Variants in AGBL4 observed in about 807,000 individuals in gnomAD.
AGBL4 encodes the protein AGBL carboxypeptidase 4, also known as cytosolic carboxypeptidase 6.
Under a neutral mutation model 66.4 loss-of-function variants are expected in AGBL4, and 58 were observed. The observed-to-expected ratio is 0.87, with a 90% CI of 0.71 to 1.09. The LOEUF (loss-of-function observed/expected upper bound fraction) is 1.09. Ranked by LOEUF, AGBL4 falls within the 50% of genes least tolerant of loss-of-function variation. The pLI, the probability that AGBL4 is intolerant of heterozygous loss-of-function variation, is 0.00. For missense variants in AGBL4, 579 were observed against 631.0 expected (o/e 0.92, Z 0.88); for synonymous variants, 234 against 222.9 (o/e 1.05, Z -0.44).
chr1:49,716,967 G>A (rs1025940980), intron 2 of AGBL4, among the ~76,000 whole-genome samples: 4 of 152,034 alleles, frequency 2.6e-5, no homozygotes, highest in Admixed American at 6.6e-5. Flanking sequence ...TATTCAATTA[G>A]GAAAAGAGGA....
At chr1:49,652,486 T>C (rs1646027503) in intron 3 of AGBL4, among the ~76,000 whole-genome samples, 1 of 152,140 alleles carries the variant, frequency 6.6e-6, no homozygotes, top group Non-Finnish European at 1.5e-5. Context: ...GGTAGGTGGC[T>C]GCTCGAGCAG....
chr1:49,048,508 A>C (rs1308086364), intron 4 of AGBL4: 1 of 152,138 alleles, frequency 6.6e-6, no homozygotes, highest in African/African-American at 2.4e-5. Flanking sequence ...TTCAGGGCTT[A>C]GATTTTCTAG....
intron 6 of AGBL4, among the ~76,000 whole-genome samples, chr1:48,802,549 C>T (rs2148745478): frequency 6.6e-6 from 1 of 152,280 alleles, no homozygotes; most frequent in East Asian, 1.9e-4. Context: ...AAAAAGAGAG[C>T]AATTCTATGA....
At chr1:49,333,164 G>C (rs905334184) in intron 3 of AGBL4, among the ~76,000 whole-genome samples, 3 of 151,946 alleles carry the variant, frequency 2.0e-5, no homozygotes, top group African/African-American at 2.4e-5. Flanking sequence ...ATGTGTCCCA[G>C]AACTTAAAGT....
At chr1:48,734,368 T>A (rs1253711771) in intron 6 of AGBL4, among the ~76,000 whole-genome samples, 1 of 152,122 alleles carries the variant, frequency 6.6e-6, no homozygotes, top group Admixed American at 6.5e-5. Context: ...CTTGGGCATA[T>A]TTCTCCACCT....
At chr1:49,008,942 A>G (rs1662117367) in intron 5 of AGBL4, among the ~76,000 whole-genome samples, 1 of 151,434 alleles carries the variant, frequency 6.6e-6, no homozygotes, top group Non-Finnish European at 1.5e-5. Flanking sequence ...TCCAAAATTG[A>G]CACCCTAAGA....
At chr1:48,854,812 T>A (rs988885005) in intron 6 of AGBL4, among the ~76,000 whole-genome samples, 5 of 151,884 alleles carry the variant, frequency 3.3e-5, no homozygotes, top group Admixed American at 6.6e-5. Flanking sequence ...TTCCTAGGAG[T>A]AGAATTTGGG....
intron 3 of AGBL4, among the ~76,000 whole-genome samples, chr1:49,525,845 T>G (rs1650613632): frequency 6.6e-6 from 1 of 151,832 alleles, no homozygotes; most frequent in African/African-American, 2.4e-5. Flanking sequence ...CCTAGTACTT[T>G]GGGAGGCCAA....
At position 48,937,590 on chromosome 1, in the gene AGBL4, T is replaced by C. The variant is rs1655586901; in HGVS notation, c.595-70360A>G. On this transcript the variant is annotated intron_variant, in intron 5 of 13. Coordinates refer to ENST00000371839, the MANE Select transcript of AGBL4 (RefSeq NM_032785.4). The stretch of plus-strand genomic sequence containing the variant: ...GATCTGTTAAGTTGCCTGCAAACAT[T>C]TGACATTTGAAAGTGTTTTTTTTCC... Among the ~76,000 whole-genome samples the C allele has an allele frequency of 5.9e-5, 9 of 152,332 alleles. No individual in the cohort carries two copies. In the South Asian group the frequency reaches 1.9e-3, roughly 32 times the overall value.
At chr1:49,329,678 AAAGCACATGT>A (rs897963254) in intron 3 of AGBL4, among the ~76,000 whole-genome samples, 3 of 150,114 alleles carry the variant, frequency 2.0e-5, no homozygotes, top group African/African-American at 7.3e-5. Flanking sequence ...CCGCCAAAAA[AAAGCACATGT>A]GAACACATGT....
chr1:49,077,064 C>T (rs573821839), intron 4 of AGBL4, among the ~76,000 whole-genome samples: 51 of 151,482 alleles, frequency 3.4e-4, no homozygotes, highest in Middle Eastern at 3.4e-3. Context: ...TTTATCATAA[C>T]ATCCATATCG....
intron 1 of AGBL4, among the ~76,000 whole-genome samples, chr1:49,960,813 AG>A (rs1335303797): frequency 2.0e-5 from 3 of 152,224 alleles, no homozygotes; most frequent in Admixed American, 6.5e-5. Context: ...GCTCATAAGT[AG>A]GTTTGTGAGT....
At chr1:49,123,301 C>A (rs949632084) in intron 4 of AGBL4, among the ~76,000 whole-genome samples, 11 of 152,136 alleles carry the variant, frequency 7.2e-5, no homozygotes, top group Admixed American at 5.2e-4. Context: ...AAGGGTTATA[C>A]AGACCACAGG....
At chr1:48,555,078 C>A (rs1459211139) in intron 11 of AGBL4, among the ~76,000 whole-genome samples, 1 of 151,828 alleles carries the variant, frequency 6.6e-6, no homozygotes, top group Non-Finnish European at 1.5e-5. Flanking sequence ...GACACTATGG[C>A]AGGGGAAATA....
intron 9 of AGBL4, among the ~76,000 whole-genome samples, chr1:48,609,246 C>A (rs1358337319): frequency 2.0e-5 from 3 of 152,154 alleles, no homozygotes; most frequent in Admixed American, 6.5e-5. Flanking sequence ...TCTGAGCATG[C>A]CACTCCTCCA....
At chr1:48,840,644 A>T (rs1570797952) in intron 6 of AGBL4, among the ~76,000 whole-genome samples, 1 of 152,220 alleles carries the variant, frequency 6.6e-6, no homozygotes, top group East Asian at 1.9e-4. Flanking sequence ...GCTAGCAAGG[A>T]TGCAGAGTAA....
chr1:49,418,211 G>C (rs1645469747), intron 3 of AGBL4, among the ~76,000 whole-genome samples: 1 of 152,062 alleles, frequency 6.6e-6, no homozygotes. Flanking sequence ...CAGGGACTAG[G>C]CTAAATCCAG....
chr1:49,810,358 A>G (rs1276531385), intron 2 of AGBL4, among the ~76,000 whole-genome samples: 1 of 152,234 alleles, frequency 6.6e-6, no homozygotes, highest in Non-Finnish European at 1.5e-5. Context: ...TCTAGGAAAA[A>G]GTAACTATAC....
chr1:49,408,817 G>A (rs1272297990), intron 3 of AGBL4, among the ~76,000 whole-genome samples: 1 of 152,176 alleles, frequency 6.6e-6, no homozygotes. Flanking sequence ...TGGCTTCCTT[G>A]CTCCTCAGCT....
Sources: gnomAD v4.1 joint callset for allele counts (sites outside exome capture counted in the v4.1 genomes callset) on GRCh38, gnomAD v4.1.1 for gene constraint, MANE v1.5 for transcripts, NCBI Gene and HGNC (gene_info 2026-07-23, HGNC 2026-07-21) for gene names.